USP36: variants seen among roughly 807,000 people sequenced by gnomAD.
USP36 encodes ubiquitin specific peptidase 36.
Under a neutral mutation model 111.5 loss-of-function variants are expected in USP36, and 59 were observed. The ratio of observed to expected loss-of-function variants is 0.53; its 90% CI spans 0.43 to 0.66. The LOEUF (loss-of-function observed/expected upper bound fraction) is 0.66. Among genes scored for constraint, USP36 ranks in the 30% least tolerant of loss-of-function variants. USP36 has a pLI of 0.00. For missense variants in USP36, 1,488 were observed against 1,468.0 expected, an observed-to-expected ratio of 1.01 and a Z score of -0.22; for synonymous variants, 628 against 581.0, an observed-to-expected ratio of 1.08 and a Z score of -1.16.
In USP36 at chr17:78,809,756, G is replaced by A. The variant is rs114461079; in HGVS notation, c.1408-2120C>T. ...CTCCTGCCTCAACCTCCAAACAGCT[G>A]GGACAACAGACGTGCACCACCACAC... On this transcript the variant is annotated intron_variant, in intron 13 of 20. Coordinates refer to ENST00000449938, the MANE Select transcript of USP36 (RefSeq NM_001385174.1). 6.7e-3 allele frequency among the ~76,000 whole-genome samples: 1,012 copies of A among 152,004 alleles called. 14 individuals are homozygous for A. The highest frequency in any genetic ancestry group is 0.024 in the African/African-American group (978 of 41,452).
At chr17:78,822,102 A>C in intron 6 of USP36, 98 bp from the exon 7 acceptor site, 117 of 1,415,248 alleles carry the variant, frequency 8.3e-5, no homozygotes, top group Non-Finnish European at 1.1e-4. Context: ...TCACAAGCTC[A>C]GCGTGAGGCT....
chr17:78,803,348 C>G lies in USP36; in HGVS notation c.2810+37G>C, dbSNP rs569678575. 1 of 1,578,994 alleles carries G rather than the reference C, an allele frequency of 6.3e-7. No homozygotes were observed. Among genetic ancestry groups the G allele is most frequent in the South Asian group, 1.1e-5 (1 of 87,546 alleles). On this transcript the variant is annotated intron_variant, in intron 16 of 20. Transcript: ENST00000449938. The surrounding 1 kb of genome is among the most constrained non-coding windows in gnomAD (Gnocchi z 4.6). ...TCTGTGGTTTTGCTTTGTTTCTCGT[C>G]AGAGGTAGACAGATGCCACTTTGCT... is the stretch of plus-strand genomic sequence containing the variant.
chr17:78,824,762 T>C (rs2067382553), intron 6 of USP36, among the ~76,000 whole-genome samples: 1 of 152,170 alleles, frequency 6.6e-6, no homozygotes, highest in Non-Finnish European at 1.5e-5. Flanking sequence ...TAAAAGATGG[T>C]CATTTTGGCT....
intron 13 of USP36, among the ~76,000 whole-genome samples, chr17:78,811,726 T>C (rs963485037): frequency 1.3e-5 from 2 of 151,798 alleles, no homozygotes; most frequent in African/African-American, 4.8e-5. Context: ...AAATTAGCCA[T>C]GCATGGTGGC....
At position 78,807,141 on chromosome 17, in the gene USP36, C is replaced by T. The variant is rs763015564; in HGVS notation, c.1903G>A (p.Ala635Thr). The change falls in exon 14 of 21, where the codon GCC (alanine) becomes ACC (threonine). Residue 635 changes from alanine to threonine, a missense_variant. By Grantham distance (58) the Ala-to-Thr change is moderately conservative (BLOSUM62 0). This residue lies in a region of USP36 where 1,073 missense variants were observed against 994.1 expected (regional missense o/e 1.08). Transcript: ENST00000449938. ...GTTTCCTGAGAATCGCAGAGATGGG[C>T]CGCTCCACTCCTGGGGGTCTGGGGG... ...KAPQTPRSGA[A>T]HLCDSQETNC... is the part of the protein sequence containing the mutation. 45 of 1,614,094 alleles carry T rather than the reference C, an allele frequency of 2.8e-5. No homozygotes were observed. Among genetic ancestry groups the T allele is most frequent in the Non-Finnish European group, 3.8e-5 (45 of 1,180,046 alleles).
chr17:78,820,968 T>G, intron 8 of USP36, 23 bp downstream of exon 8: 1 of 1,601,506 alleles, frequency 6.2e-7, no homozygotes, highest in Non-Finnish European at 8.5e-7. Flanking sequence ...ACTGCAAAAG[T>G]GAAGGGCAGG....
At chr17:78,802,249 G>T (rs2093767919) in intron 17 of USP36, 75 bp downstream of exon 17, 1 of 1,425,152 alleles carries the variant, frequency 7.0e-7, no homozygotes. Flanking sequence ...CTCGCCCGGT[G>T]CACACCCATG....
chr17:78,821,126 C>G (rs924999706), intron 7 of USP36, 65 bp from the exon 8 acceptor site: 2 of 1,490,982 alleles, frequency 1.3e-6, no homozygotes, highest in Admixed American at 2.0e-5. Flanking sequence ...CTCCCAAGAC[C>G]GAGACCCAGC....
intron 13 of USP36, among the ~76,000 whole-genome samples, chr17:78,809,730 C>T (rs963356895): frequency 1.3e-5 from 2 of 152,058 alleles, no homozygotes; most frequent in African/African-American, 4.8e-5. Flanking sequence ...TTTAAGTGAT[C>T]CTCCTGCCTC....
intron 10 of USP36, among the ~76,000 whole-genome samples, chr17:78,815,105 G>T (rs987218519): frequency 2.6e-5 from 4 of 152,124 alleles, no homozygotes; most frequent in Non-Finnish European, 5.9e-5. Flanking sequence ...AGGCCGAGGC[G>T]GGTAGATCAC....
At position 78,796,631 on chromosome 17, in the gene USP36, G is replaced by C. The variant is rs1171936584; in HGVS notation, c.*1269C>G. The stretch of plus-strand genomic sequence containing the variant: ...GTAACCACCCAGGCCCCGAGCACAG[G>C]GGCAGGAAGCAAAGCTGCCCCAGGG... On this transcript the variant is annotated 3_prime_UTR_variant, in exon 21 of 21. Coordinates refer to ENST00000449938, the MANE Select transcript of USP36 (RefSeq NM_001385174.1). 6.6e-6 allele frequency: 1 copy of C among 152,238 alleles called. No homozygotes were observed. Among genetic ancestry groups the C allele is most frequent in the Non-Finnish European group, 1.5e-5 (1 of 68,042 alleles). The allele number at this position is 152,238 out of a possible 1,614,324, so 9.4% of individuals were successfully genotyped here. A position where few individuals can be genotyped will look rare whatever the true frequency, so the allele number is the denominator to read the frequency against.
Position 78,827,296 on chromosome 17 carries a change from A to T in USP36, c.638T>A (p.Leu213Gln). 6.2e-7 allele frequency: 1 copy of T among 1,614,058 alleles called. No homozygotes were observed. Among genetic ancestry groups the T allele is most frequent in the Non-Finnish European group, 8.5e-7 (1 of 1,179,988 alleles). Residue 213 changes from leucine to glutamine, a missense_variant, in exon 6 of 21, where the codon CTG (leucine) becomes CAG (glutamine). Physicochemically the swap from Leu to Gln is moderately radical, Grantham distance 113 (BLOSUM62 -2). This residue lies in a region of USP36 where 196 missense variants were observed against 264.4 expected (regional missense o/e 0.74). Transcript: ENST00000449938. ...CTGCATGGCGTCGATGGTGTACCGC[A>T]GGAACTCATGCGCGTCCTCCTGGTT... ...FGNQEDAHEF[L>Q]RYTIDAMQKA...
chr17:78,818,126 A>G (rs2145337561), intron 10 of USP36, among the ~76,000 whole-genome samples: 1 of 152,278 alleles, frequency 6.6e-6, no homozygotes, highest in Admixed American at 6.5e-5. Flanking sequence ...CATCGTGTCA[A>G]AAGTAGTTTT....
intron 15 of USP36, among the ~76,000 whole-genome samples, chr17:78,804,280 G>A (rs2093832367): frequency 6.6e-6 from 1 of 152,012 alleles, no homozygotes; most frequent in South Asian, 2.1e-4. Context: ...TAGCCAACAT[G>A]GTGAAACCCC....
intron 15 of USP36, 96 bp downstream of exon 15, chr17:78,806,060 G>A: frequency 1.9e-6 from 3 of 1,594,080 alleles, no homozygotes; most frequent in Non-Finnish European, 2.6e-6. Context: ...TGTCTGTCCT[G>A]TGAGGTTGGC....
At chr17:78,806,425 A>C in intron 14 of USP36, 139 bp from the exon 15 acceptor site, 1 of 1,136,142 alleles carries the variant, frequency 8.8e-7, no homozygotes, top group Non-Finnish European at 1.2e-6. Flanking sequence ...AAGAAGACAA[A>C]AAGGGGAGGT....
intron 6 of USP36, 131 bp downstream of exon 6, chr17:78,827,114 T>C (rs1418487397): frequency 6.7e-6 from 7 of 1,047,558 alleles, no homozygotes; most frequent in African/African-American, 3.1e-5. Context: ...CAGAGGCAAA[T>C]TCTGCCACGT....
At chr17:78,824,447 G>A (rs1020971620) in intron 6 of USP36, among the ~76,000 whole-genome samples, 10 of 152,134 alleles carry the variant, frequency 6.6e-5, no homozygotes, top group Non-Finnish European at 1.5e-4. Context: ...CCAGTTACTG[G>A]GCAGGAGGAT....
chr17:78,829,906 A>T (rs893832552), intron 4 of USP36, among the ~76,000 whole-genome samples: 1 of 151,918 alleles, frequency 6.6e-6, no homozygotes, highest in African/African-American at 2.4e-5. Flanking sequence ...ATGCCAGGCT[A>T]ATTTTTTGTA....
Sources: allele counts gnomAD v4.1 joint callset (sites outside exome capture counted in the v4.1 genomes callset), GRCh38; gene constraint gnomAD v4.1.1; regional missense constraint gnomAD v4.1.1; non-coding constraint Gnocchi (gnomAD v3.1); transcripts MANE v1.5; gene names NCBI Gene and HGNC (gene_info 2026-07-23, HGNC 2026-07-21).